Variants in ATP6V0A4 observed in about 807,000 individuals in gnomAD.
ATP6V0A4 encodes the protein ATPase H+ transporting V0 subunit a4, also known as V-type proton ATPase 116 kDa subunit a 4.
In ATP6V0A4, 86 loss-of-function variants were observed where a neutral mutation model predicts 107.3. That is an observed-to-expected ratio of 0.80 (90% CI 0.67 to 0.96). The LOEUF (loss-of-function observed/expected upper bound fraction) is 0.96. ATP6V0A4 is among the 40% of genes least tolerant of loss of function. The probability of loss-of-function intolerance (pLI) is 0.00; values close to 1 mark genes in which losing one functional copy is unlikely to be tolerated. For synonymous variants in ATP6V0A4, 353 were observed against 381.4 expected (o/e 0.93, Z 0.87); for missense variants, 908 against 1,045.6 (o/e 0.87, Z 1.81).
chr7:138,713,596 C>T (rs1001107957), intron 20 of ATP6V0A4, among the ~76,000 whole-genome samples: 5 of 152,092 alleles, frequency 3.3e-5, no homozygotes, highest in African/African-American at 9.7e-5. Context: ...CTAATCAAGA[C>T]AATTATAATT....
At chr7:138,709,007 G>A (rs1050331404) in intron 21 of ATP6V0A4, among the ~76,000 whole-genome samples, 3 of 152,024 alleles carry the variant, frequency 2.0e-5, no homozygotes, top group Non-Finnish European at 2.9e-5. Context: ...CCAAGAGTTC[G>A]AGACCAGCCT....
chr7:138,763,912 G>A (rs1370770072), intron 5 of ATP6V0A4, among the ~76,000 whole-genome samples: 1 of 149,142 alleles, frequency 6.7e-6, no homozygotes, highest in Non-Finnish European at 1.5e-5. Flanking sequence ...GTGAGCAGAG[G>A]TCGCACCACT....
chr7:138,725,533 C>T lies in ATP6V0A4; in HGVS notation c.2010+3228G>A, dbSNP rs532856764. Among the ~76,000 whole-genome samples, 17 of 151,116 alleles carry T rather than the reference C, an allele frequency of 1.1e-4. No homozygotes were observed. In the East Asian group the frequency reaches 1.2e-3, roughly 10 times the overall value. ...AAAAAAACTTTTTTTTTTTTTGAGA[C>T]GGAGTCTCGCTTATGTCGCCCAGGC... On this transcript the variant is annotated intron_variant, in intron 18 of 21. Transcript: ENST00000310018.
At chr7:138,763,975 A>ATATAT (rs1554399506) in intron 5 of ATP6V0A4, among the ~76,000 whole-genome samples, 2 of 143,612 alleles carry the variant, frequency 1.4e-5, no homozygotes, top group Admixed American at 1.4e-4. Flanking sequence ...TCAAAAAAAA[A>ATATAT]ATATATATAT....
chr7:138,740,002 G>A (rs76733666), intron 14 of ATP6V0A4, among the ~76,000 whole-genome samples: 4,737 of 151,658 alleles, frequency 0.031, 201 homozygotes, highest in East Asian at 0.11. Flanking sequence ...GCTGAGGCAG[G>A]AGGACTGCCT....
intron 17 of ATP6V0A4, 31 bp downstream of exon 17, chr7:138,732,846 A>G (rs777449116): frequency 1.3e-6 from 2 of 1,485,640 alleles, no homozygotes; most frequent in Admixed American, 4.5e-5. Flanking sequence ...TAAATAAAAG[A>G]AGAGTAAAAA....
chr7:138,776,404 T>TG (rs1338891272), intron 2 of ATP6V0A4, among the ~76,000 whole-genome samples: 6 of 152,354 alleles, frequency 3.9e-5, no homozygotes, highest in African/African-American at 1.2e-4. Flanking sequence ...AGGGCAGATC[T>TG]GTCCAAGAAT....
Position 138,759,766 on chromosome 7 carries a change from C to G in ATP6V0A4, c.625G>C (p.Glu209Gln), listed in dbSNP as rs758537884. ...LKFSEMDAPL[E>Q]DPVTKEEIQK... The stretch of plus-strand genomic sequence containing the variant: ...AAGGTTCCCACCGTCACAGGATCCT[C>G]CAGAGGGGCGTCCATCTCACTGAAC... Residue 209 changes from glutamate (E) to glutamine (Q), a missense_variant, in exon 8 of 22, where the codon GAG (glutamate) becomes CAG (glutamine). Transcript: ENST00000310018. 12 of 1,614,160 alleles carry G rather than the reference C, an allele frequency of 7.4e-6. No homozygotes were observed. The highest frequency in any genetic ancestry group is 9.3e-6 in the Non-Finnish European group (11 of 1,180,030).
chr7:138,756,391 C>A, intron 9 of ATP6V0A4, 67 bp downstream of exon 9: 1 of 1,608,316 alleles, frequency 6.2e-7, no homozygotes, highest in East Asian at 2.2e-5. Flanking sequence ...GTGCATTTGG[C>A]ATTGCACATC....
intron 16 of ATP6V0A4, among the ~76,000 whole-genome samples, chr7:138,733,572 CTTTTTTTTTTT>C (rs3080537): frequency 5.7e-5 from 5 of 87,076 alleles, no homozygotes; most frequent in East Asian, 7.0e-4. Flanking sequence ...AATGGTTTCT[CTTTTTTTTTTT>C]TTTTTTTTTT....
intron 3 of ATP6V0A4, among the ~76,000 whole-genome samples, chr7:138,770,704 C>T (rs746894225): frequency 1.4e-4 from 22 of 152,156 alleles, no homozygotes; most frequent in Non-Finnish European, 2.4e-4. Flanking sequence ...GAACTCAATC[C>T]CGGGTATGAC....
Position 138,755,742 on chromosome 7 carries a change from C to G in ATP6V0A4, c.763G>C (p.Glu255Gln). The G allele has an allele frequency of 5.0e-6, 8 of 1,613,846 alleles. No homozygotes were observed. Among genetic ancestry groups the G allele is most frequent in the Non-Finnish European group, 6.8e-6 (8 of 1,180,042 alleles). The change falls in exon 10 of 22, where the codon GAG becomes CAG. Residue 255 changes from glutamate (E) to glutamine (Q), a missense_variant. By Grantham distance (29) the Glu-to-Gln change is conservative (BLOSUM62 2). Transcript: ENST00000310018. Reference protein sequence around the residue: ...TVYPCPEPAVERREMLESVNV... With the variant: ...TVYPCPEPAVQRREMLESVNV... ...ACGCTCTCCAACATCTCTCTGCGCT[C>G]CACCGCAGGCTCTGGGCAAGGGTAG...
intron 13 of ATP6V0A4, among the ~76,000 whole-genome samples, chr7:138,747,205 T>C (rs1044306468): frequency 1.3e-5 from 2 of 152,138 alleles, no homozygotes; most frequent in African/African-American, 4.8e-5. Flanking sequence ...ATCGATGCCT[T>C]ATCAAGTCAT....
At chr7:138,748,309 A>G (rs1806059189) in intron 12 of ATP6V0A4, among the ~76,000 whole-genome samples, 1 of 152,226 alleles carries the variant, frequency 6.6e-6, no homozygotes. Flanking sequence ...AGGCCCCTGC[A>G]TTACAGGCCA....
rs190782161 is a variant in ATP6V0A4 at position 138,706,679 on chromosome 7, T to G, written c.2468A>C (p.Tyr823Ser). The G allele has an allele frequency of 1.9e-6, 3 of 1,613,848 alleles. No individual in the cohort carries two copies. The East Asian group carries it at 6.7e-5, about 36-fold the overall frequency. The change falls in exon 22 of 22, where the codon TAC becomes TCC. Residue 823 changes from tyrosine (Y) to serine (S), a missense_variant. Physicochemically the swap from Tyr to Ser is moderately radical, Grantham distance 144. Transcript: ENST00000310018. ...FQNKFYVGDGYKFSPFSFKHI... is the reference protein window; with the variant it reads ...FQNKFYVGDGSKFSPFSFKHI... ...TTTAAAGGAGAATGGAGAAAACTTG[T>G]AACCATCCCCGACATAGAACTTGTT...
At chr7:138,715,715 TG>T in intron 20 of ATP6V0A4, 48 bp downstream of exon 20, 2 of 1,595,098 alleles carry the variant, frequency 1.3e-6, no homozygotes, top group Non-Finnish European at 1.7e-6. Flanking sequence ...ACCTATTTCC[TG>T]GGGTGTTGGG....
intron 21 of ATP6V0A4, among the ~76,000 whole-genome samples, chr7:138,707,557 A>T (rs1170628587): frequency 1.3e-5 from 2 of 149,270 alleles, no homozygotes; most frequent in Admixed American, 1.4e-4. Context: ...GCCCACCACC[A>T]TGCCCAGCTA....
intron 17 of ATP6V0A4, among the ~76,000 whole-genome samples, chr7:138,729,891 C>T (rs1804901729): frequency 6.6e-6 from 1 of 151,224 alleles, no homozygotes; most frequent in South Asian, 2.1e-4. Context: ...CCTCACTCAA[C>T]TTTTTTTTTT....
Position 138,745,234 on chromosome 7 carries a change from C to T in ATP6V0A4, c.1367G>A (p.Gly456Asp), listed in dbSNP as rs571570892. 2 of 1,611,316 alleles carry T rather than the reference C, an allele frequency of 1.2e-6. No homozygotes were observed. Among genetic ancestry groups the T allele is most frequent in the African/African-American group, 1.4e-5 (1 of 73,972 alleles). Reference sequence around the variant, plus strand: ...CAAACCCGTGTAGATGGAGAAGATGCCCATAAGTAGGATCAGATAGCGCCC... The same window carrying T: ...CAAACCCGTGTAGATGGAGAAGATGTCCATAAGTAGGATCAGATAGCGCCC... ...FHGRYLILLM[G>D]IFSIYTGLIY... is the part of the protein sequence containing the mutation. The change falls in exon 14 of 22, where the codon GGC (glycine) becomes GAC (aspartate). Residue 456 changes from glycine to aspartate, a missense_variant. Gly to Asp is a moderately conservative substitution (Grantham distance 94). Transcript: ENST00000310018.
Sources: allele counts gnomAD v4.1 joint callset (sites outside exome capture counted in the v4.1 genomes callset), GRCh38; gene constraint gnomAD v4.1.1; transcripts MANE v1.5; gene names NCBI Gene and HGNC (gene_info 2026-07-23, HGNC 2026-07-21).